Variants in DGKB observed in about 807,000 individuals in gnomAD.
DGKB encodes diacylglycerol kinase beta.
DGKB carries 67 observed loss-of-function variants against 114.3 expected under a neutral mutation model. The ratio of observed to expected loss-of-function variants is 0.59; its 90% CI spans 0.48 to 0.72. The LOEUF (loss-of-function observed/expected upper bound fraction) is 0.72. DGKB is among the 30% of genes least tolerant of loss of function. The pLI, the probability that DGKB is intolerant of heterozygous loss-of-function variation, is 0.00. For synonymous variants in DGKB, 398 were observed against 323.1 expected (o/e 1.23, Z -2.49); for missense variants, 907 against 975.2 (o/e 0.93, Z 0.93).
intron 1 of DGKB, among the ~76,000 whole-genome samples, chr7:14,929,022 TACACACACACACACAC>T (rs3036022): frequency 1.4e-5 from 2 of 146,748 alleles, no homozygotes; most frequent in South Asian, 2.2e-4. Flanking sequence ...GCATTGTGTA[TACACACACACACACAC>T]ACACACACAC....
chr7:14,425,888 C>T (rs1401715286), intron 21 of DGKB, among the ~76,000 whole-genome samples: 2 of 152,066 alleles, frequency 1.3e-5, no homozygotes, highest in Admixed American at 6.6e-5. Context: ...GCAGTAAAAT[C>T]GTTATGTTCC....
At chr7:14,195,989 T>C (rs548624894) in intron 23 of DGKB, among the ~76,000 whole-genome samples, 9 of 152,282 alleles carry the variant, frequency 5.9e-5, no homozygotes, top group African/African-American at 1.9e-4. Context: ...CATGTCTAAA[T>C]AGAATTAAAT....
chr7:14,920,584 T>C (rs547301799), intron 1 of DGKB, among the ~76,000 whole-genome samples: 5 of 152,202 alleles, frequency 3.3e-5, no homozygotes, highest in Non-Finnish European at 7.3e-5. Context: ...GAAGACAGTT[T>C]GGCAGTTTCT....
intron 21 of DGKB, among the ~76,000 whole-genome samples, chr7:14,386,089 T>C (rs1462241121): frequency 2.0e-5 from 3 of 152,226 alleles, no homozygotes; most frequent in African/African-American, 4.8e-5. Context: ...TATTTGAACA[T>C]AGAAACTTTA....
chr7:14,709,011 C>A (rs1232953861), intron 6 of DGKB, among the ~76,000 whole-genome samples: 1 of 147,898 alleles, frequency 6.8e-6, no homozygotes, highest in African/African-American at 2.5e-5. Flanking sequence ...AAGAAACTAC[C>A]ATCAGAGTGA....
At chr7:14,558,408 T>A (rs922497125) in intron 20 of DGKB, among the ~76,000 whole-genome samples, 1 of 152,114 alleles carries the variant, frequency 6.6e-6, no homozygotes, top group Non-Finnish European at 1.5e-5. Flanking sequence ...TCCTTTTTAT[T>A]TCAACTTTGA....
intron 23 of DGKB, among the ~76,000 whole-genome samples, chr7:14,199,665 G>T (rs1225735488): frequency 6.6e-6 from 1 of 152,034 alleles, no homozygotes; most frequent in African/African-American, 2.4e-5. Flanking sequence ...GATTCAATTA[G>T]TAAGTAGAAC....
chr7:14,797,209 G>A (rs1406489752), intron 2 of DGKB, among the ~76,000 whole-genome samples: 1 of 152,154 alleles, frequency 6.6e-6, no homozygotes, highest in Non-Finnish European at 1.5e-5. Context: ...TCTCACCTGA[G>A]TCATGGCCCC....
intron 23 of DGKB, among the ~76,000 whole-genome samples, chr7:14,179,400 A>G (rs909240942): frequency 1.3e-5 from 2 of 152,200 alleles, no homozygotes; most frequent in African/African-American, 4.8e-5. Flanking sequence ...ACACAATTGT[A>G]CATTGTTTAG....
intron 23 of DGKB, among the ~76,000 whole-genome samples, chr7:14,300,329 G>C (rs1220703702): frequency 4.6e-5 from 7 of 152,102 alleles, no homozygotes; most frequent in African/African-American, 1.7e-4. Context: ...TGCTCTAGGT[G>C]AGGCATGAAC....
At chr7:14,768,482 G>T (rs1836803743) in intron 2 of DGKB, among the ~76,000 whole-genome samples, 1 of 151,896 alleles carries the variant, frequency 6.6e-6, no homozygotes. Context: ...ACTAGAACTT[G>T]CAGCCCCACA....
intron 23 of DGKB, among the ~76,000 whole-genome samples, chr7:14,315,830 A>AT (rs1261628912): frequency 6.6e-6 from 1 of 150,762 alleles, no homozygotes; most frequent in Non-Finnish European, 1.5e-5. Context: ...CAGAATATAC[A>AT]TTTTTTTCAG....
chr7:14,858,710 G>C (rs1202977362), intron 1 of DGKB, among the ~76,000 whole-genome samples: 1 of 152,124 alleles, frequency 6.6e-6, no homozygotes, highest in African/African-American at 2.4e-5. Flanking sequence ...AGATCAACCA[G>C]ATCAGCAGAA....
chr7:14,162,722 A>G (rs968699804), intron 25 of DGKB, among the ~76,000 whole-genome samples: 1 of 152,216 alleles, frequency 6.6e-6, no homozygotes, highest in African/African-American at 2.4e-5. Context: ...TAAAGTGAAG[A>G]GTGACAAAAA....
intron 21 of DGKB, among the ~76,000 whole-genome samples, chr7:14,392,285 AAGATTATAAGGT>A (rs1821441181): frequency 6.6e-6 from 1 of 152,194 alleles, no homozygotes; most frequent in South Asian, 2.1e-4. Flanking sequence ...AAAACCTTTC[AAGATTATAAGGT>A]TATAGCCTTT....
At chr7:14,367,730 G>A (rs763200059) in intron 21 of DGKB, among the ~76,000 whole-genome samples, 12 of 152,036 alleles carry the variant, frequency 7.9e-5, no homozygotes, top group Non-Finnish European at 1.2e-4. Flanking sequence ...AGTTCCACAT[G>A]GCTTGGAAGA....
intron 1 of DGKB, among the ~76,000 whole-genome samples, chr7:14,945,856 A>G (rs1785843521): frequency 6.6e-6 from 1 of 151,688 alleles, no homozygotes. Flanking sequence ...TCATATGATT[A>G]GGTAAATTAA....
At chr7:14,595,522 A>G (rs919020057) in intron 17 of DGKB, among the ~76,000 whole-genome samples, 1 of 111,300 alleles carries the variant, frequency 9.0e-6, no homozygotes, top group Non-Finnish European at 1.8e-5. Flanking sequence ...CCTGATGTTT[A>G]TAAAAATTGA....
At chr7:14,359,504 G>T (rs1359230950) in intron 21 of DGKB, among the ~76,000 whole-genome samples, 1 of 151,982 alleles carries the variant, frequency 6.6e-6, no homozygotes, top group Non-Finnish European at 1.5e-5. Flanking sequence ...CACAGCAAAA[G>T]AAACTACCAT....
Sources: allele counts gnomAD v4.1 joint callset (sites outside exome capture counted in the v4.1 genomes callset), GRCh38; gene constraint gnomAD v4.1.1; transcripts MANE v1.5; gene names NCBI Gene and HGNC (gene_info 2026-07-23, HGNC 2026-07-21).